Variants in RIMS2 observed in about 807,000 individuals in gnomAD.
RIMS2 encodes the protein regulating synaptic membrane exocytosis 2, also known as regulating synaptic membrane exocytosis protein 2.
A neutral mutation model predicts 174.4 loss-of-function variants in RIMS2; 59 were observed. The ratio of observed to expected loss-of-function variants is 0.34; its 90% confidence interval spans 0.27 to 0.42. RIMS2 has a LOEUF of 0.42. Ranked by LOEUF, RIMS2 falls within the 10% of genes least tolerant of loss-of-function variation. The pLI is 1.00. For missense variants in RIMS2, 1,620 were observed against 1,666.3 expected, an observed-to-expected ratio of 0.97 and a Z score of 0.48; for synonymous variants, 606 against 572.5, an observed-to-expected ratio of 1.06 and a Z score of -0.84.
chr8:103,604,213 A>C (rs951614802), intron 1 of RIMS2, among the ~76,000 whole-genome samples: 136 of 151,376 alleles, frequency 9.0e-4, no homozygotes, highest in African/African-American at 3.1e-3. Flanking sequence ...AGCTTTCTAC[A>C]TATGGCTAGC....
At chr8:103,767,280 C>G (rs117960640) in intron 3 of RIMS2, among the ~76,000 whole-genome samples, 4,506 of 151,714 alleles carry the variant, frequency 0.03, 74 homozygotes, top group African/African-American at 0.046. Context: ...CCCTGCTTCC[C>G]AGGTTCAAGC....
At chr8:103,967,195 T>C (rs1304797907) in intron 15 of RIMS2, among the ~76,000 whole-genome samples, 1 of 137,458 alleles carries the variant, frequency 7.3e-6, no homozygotes, top group Non-Finnish European at 1.5e-5. Flanking sequence ...TTTTTTTTTT[T>C]TTTTTGAGAT....
intron 19 of RIMS2, among the ~76,000 whole-genome samples, chr8:104,220,964 C>A (rs887198405): frequency 3.9e-5 from 6 of 152,108 alleles, no homozygotes; most frequent in African/African-American, 1.4e-4. Context: ...ATACCTTCCC[C>A]CGATCTTAAG....
At chr8:103,967,842 C>T (rs1172017184) in intron 15 of RIMS2, among the ~76,000 whole-genome samples, 15 of 145,402 alleles carry the variant, frequency 1.0e-4, no homozygotes, top group African/African-American at 3.8e-4. Context: ...ATTAGTGTAC[C>T]TACTCCTGCT....
chr8:104,168,008 C>A (rs2098807760), intron 19 of RIMS2, among the ~76,000 whole-genome samples: 1 of 152,070 alleles, frequency 6.6e-6, no homozygotes, highest in African/African-American at 2.4e-5. Flanking sequence ...GTTCTCTATT[C>A]TATTCCATTG....
chr8:104,251,142 T>G (rs2099357878), exon 23 of RIMS2: 1 of 1,611,956 alleles, frequency 6.2e-7, no homozygotes, highest in Non-Finnish European at 8.5e-7. Flanking sequence ...TCGAAGAGAG[T>G]CCACAAGGAA....
At chr8:104,128,506 G>A (rs535171864) in intron 19 of RIMS2, among the ~76,000 whole-genome samples, 3 of 152,234 alleles carry the variant, frequency 2.0e-5, no homozygotes, top group Admixed American at 1.3e-4. Flanking sequence ...AGACCAGCCT[G>A]ACCAACATGG....
chr8:104,197,877 ATT>A (rs543911108), intron 19 of RIMS2, among the ~76,000 whole-genome samples: 162 of 152,148 alleles, frequency 1.1e-3, no homozygotes, highest in African/African-American at 3.6e-3. Flanking sequence ...TAGCCATCAC[ATT>A]TTTTGTGTCC....
chr8:103,915,505 G>T, exon 7 of RIMS2: 1 of 1,596,140 alleles, frequency 6.3e-7, no homozygotes, highest in Non-Finnish European at 8.6e-7. Context: ...GTTGTAGGAG[G>T]AAAGATGACT....
At chr8:103,663,710 A>C (rs1170169331) in intron 1 of RIMS2, among the ~76,000 whole-genome samples, 1 of 152,248 alleles carries the variant, frequency 6.6e-6, no homozygotes, top group Non-Finnish European at 1.5e-5. Flanking sequence ...ATACTGCCCA[A>C]GGTAATTTAT....
intron 2 of RIMS2, among the ~76,000 whole-genome samples, chr8:103,721,131 C>T (rs1216395385): frequency 6.6e-6 from 1 of 152,118 alleles, no homozygotes; most frequent in Non-Finnish European, 1.5e-5. Context: ...AAGTATGTAA[C>T]TCTTGCTCTG....
chr8:104,244,871 A>G (rs1314243285), intron 19 of RIMS2, 45 bp from the exon 26 acceptor site: 3 of 1,538,522 alleles, frequency 1.9e-6, no homozygotes, highest in Non-Finnish European at 2.7e-6. Flanking sequence ...TTCTTACCAC[A>G]TAGTGATTAC....
chr8:103,649,133 T>C (rs958207451), intron 1 of RIMS2, among the ~76,000 whole-genome samples: 2 of 152,154 alleles, frequency 1.3e-5, no homozygotes, highest in African/African-American at 4.8e-5. Context: ...AAGGCAGGCA[T>C]GGTGGTGGAA....
At chr8:104,051,754 C>T (rs2096790952) in intron 19 of RIMS2, among the ~76,000 whole-genome samples, 1 of 152,096 alleles carries the variant, frequency 6.6e-6, no homozygotes, top group Non-Finnish European at 1.5e-5. Context: ...ATCTCTGCCA[C>T]CTACTAGTTA....
At chr8:103,692,285 T>C (rs772106940) in intron 1 of RIMS2, among the ~76,000 whole-genome samples, 1 of 152,228 alleles carries the variant, frequency 6.6e-6, no homozygotes, top group Non-Finnish European at 1.5e-5. Flanking sequence ...TTTGTCCTTT[T>C]CTTCAGGATG....
chr8:103,824,193 T>C (rs1350771255), intron 3 of RIMS2, among the ~76,000 whole-genome samples: 1 of 152,158 alleles, frequency 6.6e-6, no homozygotes, highest in East Asian at 1.9e-4. Flanking sequence ...AGAAGTTTTA[T>C]AAAGCTTCTG....
intron 1 of RIMS2, among the ~76,000 whole-genome samples, chr8:103,599,613 A>T (rs974244703): frequency 1.1e-4 from 16 of 150,180 alleles, no homozygotes; most frequent in African/African-American, 2.9e-4. Context: ...TAATTAATTA[A>T]TTTTTTTTGT....
chr8:103,613,454 G>T (rs940096948), intron 1 of RIMS2, among the ~76,000 whole-genome samples: 18 of 152,134 alleles, frequency 1.2e-4, no homozygotes, highest in Non-Finnish European at 2.5e-4. Context: ...CAGGGCAGTG[G>T]GCTCCCCTCT....
At chr8:104,204,412 T>G (rs2099070132) in intron 19 of RIMS2, among the ~76,000 whole-genome samples, 1 of 151,910 alleles carries the variant, frequency 6.6e-6, no homozygotes. Context: ...ATCGAAAACC[T>G]GTCTTAACAT....
Sources: gnomAD v4.1 joint callset for allele counts (sites outside exome capture counted in the v4.1 genomes callset) on GRCh38, gnomAD v4.1.1 for gene constraint, MANE v1.5 for transcripts, NCBI Gene and HGNC (gene_info 2026-07-23, HGNC 2026-07-21) for gene names.